The following GALM variants were observed in gnomAD, a reference collection of about 807,000 sequenced individuals.
GALM encodes the protein aldose 1-epimerase.
In GALM, 43 loss-of-function variants were observed where a neutral mutation model predicts 37.4. The ratio of observed to expected loss-of-function variants is 1.15; its 90% CI spans 0.90 to 1.48. The LOEUF (loss-of-function observed/expected upper bound fraction) is 1.48. Ranked by LOEUF, GALM falls within the 40% of genes most tolerant of loss-of-function variation. The pLI, the probability that GALM is intolerant of heterozygous loss-of-function variation, is 0.00. For synonymous variants in GALM, 199 were observed against 170.6 expected (o/e 1.17, Z -1.30); for missense variants, 456 against 419.1 (o/e 1.09, Z -0.77).
At chr2:38,732,926 A>G (rs1666634269) in intron 6 of GALM, among the ~76,000 whole-genome samples, 1 of 151,070 alleles carries the variant, frequency 6.6e-6, no homozygotes, top group Non-Finnish European at 1.5e-5. Flanking sequence ...CTTTAAAAAA[A>G]AAAAAAAAAA....
intron 4 of GALM, among the ~76,000 whole-genome samples, chr2:38,710,605 A>G (rs916697819): frequency 6.6e-6 from 1 of 152,060 alleles, no homozygotes; most frequent in Non-Finnish European, 1.5e-5. Context: ...GGGTCTCACT[A>G]TGTTGCCCAG....
At chr2:38,704,542 G>A (rs974638674) in intron 4 of GALM, among the ~76,000 whole-genome samples, 1 of 151,760 alleles carries the variant, frequency 6.6e-6, no homozygotes, top group Non-Finnish European at 1.5e-5. Context: ...CAGGCCCAGT[G>A]GCATTCACCT....
At chr2:38,686,698 G>A (rs558752580) in intron 3 of GALM, among the ~76,000 whole-genome samples, 1 of 152,260 alleles carries the variant, frequency 6.6e-6, no homozygotes, top group East Asian at 1.9e-4. Flanking sequence ...ACAATACAAA[G>A]GAATATAACA....
At chr2:38,699,630 C>A (rs1395639487) in intron 4 of GALM, among the ~76,000 whole-genome samples, 1 of 152,028 alleles carries the variant, frequency 6.6e-6, no homozygotes, top group African/African-American at 2.4e-5. Flanking sequence ...CCAGCCTGGA[C>A]AACATAGCAA....
intron 3 of GALM, among the ~76,000 whole-genome samples, chr2:38,684,710 G>A (rs1250732145): frequency 6.6e-6 from 1 of 152,152 alleles, no homozygotes; most frequent in Non-Finnish European, 1.5e-5. Flanking sequence ...AGGAGGCCGA[G>A]GCATGAGAAT....
rs143494684 is a variant in GALM at position 38,689,874 on chromosome 2, A to G, written c.614A>G (p.Asp205Gly). 3.7e-6 allele frequency: 6 copies of G among 1,608,686 alleles called. No individual in the cohort carries two copies. In the South Asian group the frequency reaches 6.6e-5, roughly 18 times the overall value. ...GAAGCGGATACTTATTTGCCTGTGGATGAAACCCTGATTCCTACAGGTTGG... is the reference window on the plus strand; with the variant it reads ...GAAGCGGATACTTATTTGCCTGTGGGTGAAACCCTGATTCCTACAGGTTGG... Reference protein sequence around the residue: ...TIEADTYLPVDETLIPTGEVA... With the variant: ...TIEADTYLPVGETLIPTGEVA... The change falls in exon 4 of 7, where the codon GAT (aspartate) becomes GGT (glycine). Residue 205 changes from aspartate to glycine, a missense_variant. Physicochemically the swap from Asp to Gly is moderately conservative, Grantham distance 94. Coordinates refer to ENST00000272252, the MANE Select transcript of GALM (RefSeq NM_138801.3).
intron 4 of GALM, among the ~76,000 whole-genome samples, chr2:38,724,919 C>T (rs750556579): frequency 2.0e-5 from 3 of 152,188 alleles, no homozygotes; most frequent in Non-Finnish European, 4.4e-5. Flanking sequence ...TGCTTGGTAA[C>T]AGGAAAGAGA....
Position 38,703,215 on chromosome 2 carries a change from C to G in GALM, c.634+13321C>G. Reference sequence around the variant, plus strand: ...CTCTGCCTCCCAGGTTCAAGCGATTCTCCTGCCTCAGCCTCCCAAGTAGGT... The same window carrying G: ...CTCTGCCTCCCAGGTTCAAGCGATTGTCCTGCCTCAGCCTCCCAAGTAGGT... On this transcript the variant is annotated intron_variant, in intron 4 of 6. Coordinates refer to ENST00000272252, the MANE Select transcript of GALM (RefSeq NM_138801.3). Among the ~76,000 whole-genome samples, 2 of 142,306 alleles carry G rather than the reference C, an allele frequency of 1.4e-5. 1 individual carries two copies. The highest frequency in any genetic ancestry group is 4.4e-4 in the East Asian group (2 of 4,566). 93.4% of individuals were successfully genotyped at this position (142,306 alleles called of 152,430 possible).
At chr2:38,690,562 T>A (rs1665650403) in intron 4 of GALM, among the ~76,000 whole-genome samples, 1 of 151,928 alleles carries the variant, frequency 6.6e-6, no homozygotes, top group Non-Finnish European at 1.5e-5. Flanking sequence ...CATCTCCACT[T>A]CCTGAGTAGC....
At chr2:38,679,291 G>T (rs939643254) in intron 2 of GALM, among the ~76,000 whole-genome samples, 1 of 152,120 alleles carries the variant, frequency 6.6e-6, no homozygotes, top group South Asian at 2.1e-4. Flanking sequence ...CCGGCCACAT[G>T]TGTGACTTTA....
chr2:38,719,689 G>T (rs781444904), intron 4 of GALM, among the ~76,000 whole-genome samples: 1 of 148,260 alleles, frequency 6.7e-6, no homozygotes, highest in South Asian at 2.2e-4. Context: ...CAGGAGAATC[G>T]CTTCAACCCC....
At chr2:38,683,918 G>A (rs72895788) in intron 3 of GALM, among the ~76,000 whole-genome samples, 6,035 of 152,108 alleles carry the variant, frequency 0.04, 397 homozygotes, top group African/African-American at 0.14. Flanking sequence ...CTTAGTAAGC[G>A]TAGCTTGAAT....
At chr2:38,669,218 C>T (rs1665026381) in intron 1 of GALM, 1 of 152,224 alleles carries the variant, frequency 6.6e-6, no homozygotes, top group Non-Finnish European at 1.5e-5. Flanking sequence ...GGCACTACGC[C>T]ATGGGCCTGG....
chr2:38,711,778 AC>A, intron 4 of GALM, among the ~76,000 whole-genome samples: 5 of 146,416 alleles, frequency 3.4e-5, no homozygotes, highest in African/African-American at 1.0e-4. Flanking sequence ...TATCACCATC[AC>A]TGTCACCACC....
At chr2:38,711,694 T>C (rs924461688) in intron 4 of GALM, among the ~76,000 whole-genome samples, 5 of 41,696 alleles carry the variant, frequency 1.2e-4, no homozygotes, top group African/African-American at 4.7e-4. Context: ...TCTGTCACCA[T>C]CACCATCATC....
At chr2:38,696,001 C>G (rs113772293) in intron 4 of GALM, among the ~76,000 whole-genome samples, 16 of 150,692 alleles carry the variant, frequency 1.1e-4, no homozygotes, top group African/African-American at 3.2e-4. Context: ...ACCCCGCCTG[C>G]GTGTTTGTTT....
chr2:38,695,428 G>T (rs1295849292), intron 4 of GALM, among the ~76,000 whole-genome samples: 1 of 152,200 alleles, frequency 6.6e-6, no homozygotes, highest in Non-Finnish European at 1.5e-5. Flanking sequence ...CCTTATGGTG[G>T]GTACTTCATT....
chr2:38,702,459 C>A (rs980518328), intron 4 of GALM, among the ~76,000 whole-genome samples: 4 of 152,038 alleles, frequency 2.6e-5, no homozygotes, highest in Non-Finnish European at 5.9e-5. Flanking sequence ...CCCTTTCCCA[C>A]CCCCAGCCTA....
chr2:38,710,903 G>A (rs1666138454), intron 4 of GALM, among the ~76,000 whole-genome samples: 1 of 148,098 alleles, frequency 6.8e-6, no homozygotes. Flanking sequence ...ACAGGTGCCT[G>A]CCACCACACC....
Sources: gnomAD v4.1 joint callset for allele counts (sites outside exome capture counted in the v4.1 genomes callset) on GRCh38, gnomAD v4.1.1 for gene constraint, MANE v1.5 for transcripts, NCBI Gene and HGNC (gene_info 2026-07-23, HGNC 2026-07-21) for gene names.